The following NAV2 variants were observed in gnomAD, a reference collection of about 807,000 sequenced individuals.
The protein encoded by NAV2 is neuron navigator 2.
Under a neutral mutation model 223.2 loss-of-function variants are expected in NAV2, and 54 were observed. The observed-to-expected ratio is 0.24, with a 90% CI of 0.19 to 0.30. The LOEUF (loss-of-function observed/expected upper bound fraction) is 0.30, where lower values mean the gene tolerates loss of function less well. Ranked by LOEUF, NAV2 falls within the 10% of genes least tolerant of loss-of-function variation. The probability of loss-of-function intolerance (pLI) is 1.00; values close to 1 mark genes in which losing one functional copy is unlikely to be tolerated. For missense variants in NAV2, 2,806 were observed against 3,147.5 expected, an observed-to-expected ratio of 0.89 and a Z score of 2.60; for synonymous variants, 1,279 against 1,239.3, an observed-to-expected ratio of 1.03 and a Z score of -0.67.
rs543830616 is a variant in NAV2, at chr11:19,958,725, G to A, written c.2645+9645G>A. Among the ~76,000 whole-genome samples the A allele has an allele frequency of 7.2e-5, 11 of 152,332 alleles. No individual in the cohort carries two copies. In the South Asian group the frequency reaches 1.7e-3, roughly 23 times the overall value. On this transcript the variant is annotated intron_variant, in intron 10 of 37. Transcript: ENST00000349880. ...CACCACTGTCACTACCAGCAGCAGC[G>A]GTGGCACCTTGAGGACATGTGAGCT...
intron 3 of NAV2, among the ~76,000 whole-genome samples, chr11:19,862,666 C>T (rs750101134): frequency 5.8e-4 from 88 of 152,248 alleles, no homozygotes; most frequent in Non-Finnish European, 9.6e-4. Flanking sequence ...GTCAGGACCC[C>T]GCAAGCTCTG....
rs1246001665 is a variant in NAV2, at chr11:20,119,192, T to C, written c.*934T>C. On this transcript the variant is annotated 3_prime_UTR_variant, in exon 38 of 38. Transcript: ENST00000349880. ...ATGCATTGATTTTTGAAGATTTTTT[T>C]TTCCCCCTTCCCCTCTTGGTCAGAA... 1 of 152,122 alleles carries C rather than the reference T, an allele frequency of 6.6e-6. No homozygotes were observed. Among genetic ancestry groups the C allele is most frequent in the African/African-American group, 2.4e-5 (1 of 41,420 alleles). 9.4% of individuals were successfully genotyped at this position (152,122 alleles called of 1,614,324 possible).
At chr11:19,614,701 A>G (rs922650224) in intron 1 of NAV2, among the ~76,000 whole-genome samples, 1 of 152,148 alleles carries the variant, frequency 6.6e-6, no homozygotes, top group Non-Finnish European at 1.5e-5. Context: ...TCTATGGGCC[A>G]GTGGCATAGG....
intron 3 of NAV2, among the ~76,000 whole-genome samples, chr11:19,863,372 AT>A (rs1485903974): frequency 6.6e-6 from 1 of 152,102 alleles, no homozygotes; most frequent in Non-Finnish European, 1.5e-5. Context: ...AGAATGTGGT[AT>A]ATTGCATCCT....
rs927588349 is a variant in NAV2, at chr11:19,421,017, T to C, written c.75+69990T>C. On this transcript the variant is annotated intron_variant, in intron 1 of 37. Transcript: ENST00000360655. ...GCCATAACTAGATCTCTGAGGATGT[T>C]GCTGCCTCTGAAGGTGTTAAGCAGC... is the stretch of plus-strand genomic sequence containing the variant. 3.0e-4 allele frequency among the ~76,000 whole-genome samples: 46 copies of C among 152,214 alleles called. 1 individual carries two copies. The highest frequency in any genetic ancestry group is 1.1e-3 in the African/African-American group (44 of 41,474).
intron 1 of NAV2, among the ~76,000 whole-genome samples, chr11:19,447,977 C>A (rs561250163): frequency 7.9e-5 from 12 of 152,288 alleles, no homozygotes; most frequent in African/African-American, 2.6e-4. Flanking sequence ...TCTGACCAAA[C>A]ACGCACCCTG....
intron 12 of NAV2, among the ~76,000 whole-genome samples, chr11:20,036,780 C>T (rs1472099556): frequency 6.6e-6 from 1 of 152,216 alleles, no homozygotes; most frequent in African/African-American, 2.4e-5. Context: ...GTCCCAGTAT[C>T]CAACCCCTTA....
chr11:20,113,183 C>T (rs1342625907), intron 36 of NAV2, among the ~76,000 whole-genome samples: 1 of 152,192 alleles, frequency 6.6e-6, no homozygotes, highest in Non-Finnish European at 1.5e-5. Flanking sequence ...TTCTCTCCTC[C>T]CTGGGCCTAT....
intron 1 of NAV2, among the ~76,000 whole-genome samples, chr11:19,714,845 G>A (rs1253363295): frequency 6.6e-6 from 1 of 152,118 alleles, no homozygotes; most frequent in East Asian, 1.9e-4. Context: ...GGTCCTCCCC[G>A]CTCCATTTCC....
Position 20,044,198 on chromosome 11 carries a change from C to T in NAV2, c.3125C>T (p.Thr1042Ile). The T allele has an allele frequency of 6.2e-7, 1 of 1,614,206 alleles. No individual in the cohort carries two copies. Among genetic ancestry groups the T allele is most frequent in the Non-Finnish European group, 8.5e-7 (1 of 1,180,028 alleles). ...SQTGSWRRGM[T>I]AQVGITMPRT... Reference sequence around the variant, plus strand: ...ACAGGCTCATGGCGGCGAGGCATGACAGCTCAGGTGGGCATCACCATGCCA... The same window carrying T: ...ACAGGCTCATGGCGGCGAGGCATGATAGCTCAGGTGGGCATCACCATGCCA... Residue 1042 changes from threonine (T) to isoleucine (I), a missense_variant, in exon 13 of 38, where the codon ACA becomes ATA. Transcript: ENST00000349880.
At chr11:19,815,277 G>A (rs78396803) in intron 1 of NAV2, among the ~76,000 whole-genome samples, 3,173 of 152,192 alleles carry the variant, frequency 0.021, 109 homozygotes, top group African/African-American at 0.072. Flanking sequence ...AAGGCTGCTG[G>A]GATATTGGAC....
intron 1 of NAV2, among the ~76,000 whole-genome samples, chr11:19,366,965 G>A (rs1332470223): frequency 6.6e-6 from 1 of 152,146 alleles, no homozygotes; most frequent in African/African-American, 2.4e-5. Context: ...TGACTGTTGA[G>A]AGCAGTTTTT....
intron 1 of NAV2, among the ~76,000 whole-genome samples, chr11:19,366,801 T>C (rs1232410740): frequency 1.3e-5 from 2 of 152,134 alleles, no homozygotes; most frequent in East Asian, 1.9e-4. Context: ...AGAATGTGCA[T>C]AGTGAGATCT....
At chr11:19,707,493 C>G (rs115728293) in intron 1 of NAV2, among the ~76,000 whole-genome samples, 26 of 152,294 alleles carry the variant, frequency 1.7e-4, no homozygotes, top group African/African-American at 5.8e-4. Flanking sequence ...CTGTTTTCCA[C>G]CTCCACATAT....
intron 1 of NAV2, among the ~76,000 whole-genome samples, chr11:19,555,917 C>T (rs891145517): frequency 6.7e-6 from 1 of 149,272 alleles, no homozygotes. Context: ...TCAGCCTGTG[C>T]TTATCACCTG....
chr11:19,664,214 G>C (rs2048355680), intron 1 of NAV2, among the ~76,000 whole-genome samples: 1 of 152,208 alleles, frequency 6.6e-6, no homozygotes, highest in South Asian at 2.1e-4. Context: ...TTCTTTCTCT[G>C]AGTCTCCCTC....
At chr11:19,477,380 G>T (rs576277226) in intron 1 of NAV2, among the ~76,000 whole-genome samples, 1 of 152,332 alleles carries the variant, frequency 6.6e-6, no homozygotes, top group Non-Finnish European at 1.5e-5. Context: ...TTTGTGCATT[G>T]AAACAGTTTA....
At chr11:20,096,519 T>A (rs1397998825) in intron 30 of NAV2, among the ~76,000 whole-genome samples, 1 of 152,216 alleles carries the variant, frequency 6.6e-6, no homozygotes, top group Non-Finnish European at 1.5e-5. Context: ...TTATCCCATT[T>A]AAAGGTGAAG....
At chr11:19,597,720 C>T (rs2046239768) in intron 1 of NAV2, among the ~76,000 whole-genome samples, 1 of 152,220 alleles carries the variant, frequency 6.6e-6, no homozygotes, top group Non-Finnish European at 1.5e-5. Context: ...TTAATTCCAG[C>T]TTCATGCCCA....
Sources: gnomAD v4.1 joint callset for allele counts (sites outside exome capture counted in the v4.1 genomes callset) on GRCh38, gnomAD v4.1.1 for gene constraint, MANE v1.5 for transcripts, NCBI Gene and HGNC (gene_info 2026-07-23, HGNC 2026-07-21) for gene names.